Variants in DCLK2 observed in about 807,000 individuals in gnomAD.
DCLK2 encodes the protein doublecortin like kinase 2.
Under a neutral mutation model 78.4 loss-of-function variants are expected in DCLK2, and 31 were observed. The ratio of observed to expected loss-of-function variants is 0.40; its 90% confidence interval spans 0.30 to 0.53. DCLK2 has a LOEUF of 0.53. DCLK2 is among the 20% of genes least tolerant of loss of function. DCLK2 has a pLI of 0.61. For missense variants in DCLK2, 872 were observed against 973.7 expected (o/e 0.90, Z 1.39); for synonymous variants, 407 against 374.9 (o/e 1.09, Z -0.99).
chr4:150,234,019 G>T (rs576284425), intron 10 of DCLK2, among the ~76,000 whole-genome samples: 9 of 152,250 alleles, frequency 5.9e-5, no homozygotes, highest in African/African-American at 2.2e-4. Context: ...TGCTTGGGAG[G>T]CAAGCTTATC....
At chr4:150,208,924 C>T (rs1448491345) in intron 5 of DCLK2, among the ~76,000 whole-genome samples, 1 of 152,102 alleles carries the variant, frequency 6.6e-6, no homozygotes, top group Non-Finnish European at 1.5e-5. Flanking sequence ...TTAGCATATC[C>T]AGATTCAGCA....
At chr4:150,253,229 A>G (rs762069641) in intron 15 of DCLK2, 4 of 520,958 alleles carry the variant, frequency 7.7e-6, no homozygotes, top group Non-Finnish European at 3.8e-6. Context: ...GGTCCTCATA[A>G]CTGAGACTGT....
intron 15 of DCLK2, chr4:150,254,291 G>T (rs1470015038): frequency 2.5e-6 from 1 of 397,808 alleles, no homozygotes; most frequent in Admixed American, 4.4e-5. Context: ...AAGGATTTGG[G>T]TTTATTGCCT....
At chr4:150,217,784 T>G (rs1039873204) in intron 5 of DCLK2, among the ~76,000 whole-genome samples, 2 of 152,254 alleles carry the variant, frequency 1.3e-5, no homozygotes, top group Admixed American at 1.3e-4. Flanking sequence ...TTCTTCTCTT[T>G]AGGAAAGGCT....
chr4:150,103,238 C>T (rs1731010371), intron 2 of DCLK2, among the ~76,000 whole-genome samples: 1 of 152,088 alleles, frequency 6.6e-6, no homozygotes, highest in African/African-American at 2.4e-5. Flanking sequence ...ACCTTTTCTT[C>T]CCCACTTACA....
intron 4 of DCLK2, among the ~76,000 whole-genome samples, chr4:150,202,030 A>G (rs1739492584): frequency 6.6e-6 from 1 of 152,154 alleles, no homozygotes; most frequent in Non-Finnish European, 1.5e-5. Context: ...ATCCCCAATT[A>G]GAGTGCTGCA....
chr4:150,107,937 T>A (rs78734596), intron 2 of DCLK2, among the ~76,000 whole-genome samples: 2,473 of 152,102 alleles, frequency 0.016, 37 homozygotes, highest in Non-Finnish European at 0.027. Flanking sequence ...CACTACTGCA[T>A]GCCAGCCTTG....
intron 2 of DCLK2, among the ~76,000 whole-genome samples, chr4:150,170,476 C>T (rs959628125): frequency 4.6e-5 from 7 of 152,276 alleles, no homozygotes; most frequent in Non-Finnish European, 1.0e-4. Flanking sequence ...GAAAATTGAG[C>T]TCACTCCAGT....
chr4:150,235,161 G>A (rs963550432), intron 10 of DCLK2, among the ~76,000 whole-genome samples: 1 of 152,134 alleles, frequency 6.6e-6, no homozygotes, highest in Admixed American at 6.6e-5. Context: ...CAGCAAAGAA[G>A]GTGACTGAGG....
At chr4:150,124,768 C>T (rs542396325) in intron 2 of DCLK2, among the ~76,000 whole-genome samples, 7 of 152,250 alleles carry the variant, frequency 4.6e-5, no homozygotes, top group African/African-American at 1.4e-4. Flanking sequence ...TACATGTAGA[C>T]AGAAGATGAA....
intron 3 of DCLK2, among the ~76,000 whole-genome samples, chr4:150,194,546 C>T (rs1330628636): frequency 6.6e-6 from 1 of 152,028 alleles, no homozygotes; most frequent in Non-Finnish European, 1.5e-5. Context: ...TGTTATTGGT[C>T]CTGGGAATAC....
At chr4:150,182,438 G>A (rs1392615228) in intron 2 of DCLK2, among the ~76,000 whole-genome samples, 1 of 151,960 alleles carries the variant, frequency 6.6e-6, no homozygotes, top group African/African-American at 2.4e-5. Context: ...AATAACGTTA[G>A]TTACAATGTA....
At chr4:150,234,115 C>T (rs948922755) in intron 10 of DCLK2, among the ~76,000 whole-genome samples, 2 of 152,314 alleles carry the variant, frequency 1.3e-5, no homozygotes, top group African/African-American at 4.8e-5. Flanking sequence ...CAGCCTTACA[C>T]CTCCATTGCT....
chr4:150,083,442 G>T (rs188387167), intron 1 of DCLK2, among the ~76,000 whole-genome samples: 175 of 152,264 alleles, frequency 1.1e-3, no homozygotes, highest in African/African-American at 4.0e-3. Context: ...AGATTGTAAA[G>T]AAATCAAGCC....
chr4:150,119,763 A>T (rs1732382862), intron 2 of DCLK2, among the ~76,000 whole-genome samples: 2 of 152,152 alleles, frequency 1.3e-5, no homozygotes. Flanking sequence ...GAAAAAAAAA[A>T]AGAAGAAAAT....
In DCLK2 at chr4:150,164,771, C is replaced by A. The variant is rs1735946766; in HGVS notation, c.757-28367C>A. On this transcript the variant is annotated intron_variant, in intron 2 of 15. Coordinates refer to ENST00000296550, the MANE Select transcript of DCLK2 (RefSeq NM_001040260.4). ...CTGAGATTGTGCCACTGCACTCCAG[C>A]CTGGGCAACAGAGTGAGACACTGTC... Among the ~76,000 whole-genome samples, 3 of 152,012 alleles carry A rather than the reference C, an allele frequency of 2.0e-5. No homozygotes were observed. In the South Asian group the frequency reaches 6.2e-4, roughly 32 times the overall value.
At chr4:150,237,418 C>T (rs1273164899) in intron 10 of DCLK2, among the ~76,000 whole-genome samples, 1 of 152,082 alleles carries the variant, frequency 6.6e-6, no homozygotes, top group Admixed American at 6.6e-5. Context: ...ATGAGGGACT[C>T]AAAATCCTCA....
chr4:150,081,577 G>T (rs186702128), intron 1 of DCLK2, among the ~76,000 whole-genome samples: 1 of 152,110 alleles, frequency 6.6e-6, no homozygotes, highest in East Asian at 1.9e-4. Flanking sequence ...TAAAATTACT[G>T]CAAAAGAAGA....
chr4:150,210,816 C>T (rs1044107507), intron 5 of DCLK2, among the ~76,000 whole-genome samples: 2 of 151,480 alleles, frequency 1.3e-5, no homozygotes, highest in Non-Finnish European at 2.9e-5. Context: ...GGTGTGGTGG[C>T]ATGTGCCCAT....
Sources: allele counts gnomAD v4.1 joint callset (sites outside exome capture counted in the v4.1 genomes callset), GRCh38; gene constraint gnomAD v4.1.1; transcripts MANE v1.5; gene names NCBI Gene and HGNC (gene_info 2026-07-23, HGNC 2026-07-21).